LRBA: variants seen among roughly 807,000 people sequenced by gnomAD.
LRBA encodes LPS responsive beige-like anchor protein, also known as lipopolysaccharide-responsive and beige-like anchor protein.
A neutral mutation model predicts 330.0 loss-of-function variants in LRBA; 176 were observed. That is an observed-to-expected ratio of 0.53 (90% CI 0.47 to 0.60). The LOEUF (loss-of-function observed/expected upper bound fraction) is 0.60, where lower values mean the gene tolerates loss of function less well. LRBA is among the 20% of genes least tolerant of loss of function. The pLI is 0.00. For synonymous variants in LRBA, 1,230 were observed against 1,193.0 expected, an observed-to-expected ratio of 1.03 and a Z score of -0.64; for missense variants, 3,259 against 3,444.8, an observed-to-expected ratio of 0.95 and a Z score of 1.35.
At chr4:150,315,695 C>A in intron 50 of LRBA, 72 bp from the exon 51 acceptor site, 1 of 895,090 alleles carries the variant, frequency 1.1e-6, no homozygotes, top group South Asian at 1.8e-5. Context: ...ATGCATAAGT[C>A]AAACCTTATG....
At chr4:150,660,581 A>T (rs1263838155) in intron 37 of LRBA, among the ~76,000 whole-genome samples, 2 of 147,888 alleles carry the variant, frequency 1.4e-5, no homozygotes, top group Admixed American at 1.3e-4. Flanking sequence ...CCAACAGCTC[A>T]TTGAGAACGG....
At chr4:150,539,204 G>C (rs569416907) in intron 40 of LRBA, among the ~76,000 whole-genome samples, 19 of 152,278 alleles carry the variant, frequency 1.2e-4, no homozygotes, top group East Asian at 7.7e-4. Flanking sequence ...TCAATCTCTT[G>C]ACGTCGTGAT....
intron 31 of LRBA, among the ~76,000 whole-genome samples, chr4:150,813,373 C>G (rs1744074740): frequency 6.6e-6 from 1 of 151,900 alleles, no homozygotes; most frequent in Admixed American, 6.6e-5. Context: ...TTAGAAGATA[C>G]AATTGTTGCT....
chr4:150,707,217 T>C (rs1785713045), intron 36 of LRBA, among the ~76,000 whole-genome samples: 1 of 151,658 alleles, frequency 6.6e-6, no homozygotes, highest in South Asian at 2.1e-4. Flanking sequence ...TGCTTTCTTA[T>C]AATTTTTTAT....
At chr4:151,002,894 G>A (rs1743541408) in intron 2 of LRBA, among the ~76,000 whole-genome samples, 1 of 151,758 alleles carries the variant, frequency 6.6e-6, no homozygotes, top group Admixed American at 6.6e-5. Context: ...CCTGCCTGTG[G>A]TCCCAGCTAC....
At chr4:150,675,302 T>C (rs1189511367) in intron 37 of LRBA, among the ~76,000 whole-genome samples, 1 of 152,220 alleles carries the variant, frequency 6.6e-6, no homozygotes, top group Admixed American at 6.5e-5. Flanking sequence ...TACTAGCCTT[T>C]GGATCTTGGT....
chr4:150,912,976 G>A (rs997862622), intron 9 of LRBA, among the ~76,000 whole-genome samples: 1 of 152,108 alleles, frequency 6.6e-6, no homozygotes, highest in Admixed American at 6.5e-5. Context: ...TGTTTTAAGT[G>A]TGTTGTTTAA....
At chr4:150,558,558 C>T (rs1474831554) in intron 40 of LRBA, among the ~76,000 whole-genome samples, 2 of 152,130 alleles carry the variant, frequency 1.3e-5, no homozygotes, top group Non-Finnish European at 2.9e-5. Flanking sequence ...ATGCTCCAGG[C>T]TCATCTTGTG....
At chr4:150,444,063 G>A (rs1315333309) in intron 44 of LRBA, among the ~76,000 whole-genome samples, 5 of 150,776 alleles carry the variant, frequency 3.3e-5, no homozygotes, top group Non-Finnish European at 7.4e-5. Context: ...TAATGTCTGT[G>A]GATATCACCT....
chr4:150,344,777 C>G (rs1347373260), intron 48 of LRBA, among the ~76,000 whole-genome samples: 1 of 152,104 alleles, frequency 6.6e-6, no homozygotes, highest in Non-Finnish European at 1.5e-5. Context: ...TCTTGAACTC[C>G]CAGCCTGAAG....
chr4:150,265,379 C>G lies in LRBA; in HGVS notation c.*343G>C. 1 of 174,856 alleles carries G rather than the reference C, an allele frequency of 5.7e-6. No homozygotes were observed. The highest frequency in any genetic ancestry group is 1.2e-5 in the Non-Finnish European group (1 of 80,542). The allele number at this position is 174,856 out of a possible 1,614,324, so 10.8% of individuals were successfully genotyped here. On this transcript the variant is annotated 3_prime_UTR_variant, in exon 57 of 57. Coordinates refer to ENST00000651943, the MANE Select transcript of LRBA (RefSeq NM_001364905.1). ...TCCCCACTGTGAAAATCCTATTTCT[C>G]AAGCTTGTAGATGCATGGGAAATGT...
chr4:150,547,918 C>A (rs4696518), intron 40 of LRBA, among the ~76,000 whole-genome samples: 1 of 151,850 alleles, frequency 6.6e-6, no homozygotes, highest in Non-Finnish European at 1.5e-5. Flanking sequence ...AATAATTTTT[C>A]GCTTTATAAA....
chr4:150,666,297 C>T (rs2126846422), intron 37 of LRBA, among the ~76,000 whole-genome samples: 1 of 152,210 alleles, frequency 6.6e-6, no homozygotes. Flanking sequence ...CTTTGGGAGG[C>T]TGAGGCAGGC....
intron 42 of LRBA, among the ~76,000 whole-genome samples, chr4:150,477,568 T>C (rs1213009971): frequency 1.3e-5 from 2 of 152,058 alleles, no homozygotes; most frequent in Non-Finnish European, 2.9e-5. Context: ...TCTGTTGACA[T>C]GTGGGGATTA....
intron 30 of LRBA, among the ~76,000 whole-genome samples, chr4:150,823,397 T>A (rs1328049084): frequency 6.6e-6 from 1 of 152,180 alleles, no homozygotes; most frequent in East Asian, 1.9e-4. Context: ...TATTATATAA[T>A]CCCCAGTCTG....
At chr4:150,620,827 CAAGGAATA>C (rs1466245862) in intron 37 of LRBA, among the ~76,000 whole-genome samples, 1 of 151,948 alleles carries the variant, frequency 6.6e-6, no homozygotes, top group East Asian at 1.9e-4. Context: ...AGTGGAGAGG[CAAGGAATA>C]ACAACCTCCA....
chr4:150,517,553 G>A (rs1762483428), intron 40 of LRBA, among the ~76,000 whole-genome samples: 3 of 151,952 alleles, frequency 2.0e-5, no homozygotes, highest in Non-Finnish European at 2.9e-5. Flanking sequence ...TGTTCTGGGG[G>A]ATAGATGATG....
chr4:150,591,157 CT>C (rs1342544410), intron 38 of LRBA, among the ~76,000 whole-genome samples: 1 of 152,112 alleles, frequency 6.6e-6, no homozygotes, highest in Non-Finnish European at 1.5e-5. Context: ...AAAAGCAGTA[CT>C]TTTATTGAAA....
chr4:150,547,526 T>C (rs1765996338), intron 40 of LRBA, among the ~76,000 whole-genome samples: 1 of 152,148 alleles, frequency 6.6e-6, no homozygotes, highest in African/African-American at 2.4e-5. Context: ...TTACTGACCA[T>C]TATCTCCTTA....
Sources: gnomAD v4.1 joint callset for allele counts (sites outside exome capture counted in the v4.1 genomes callset) on GRCh38, gnomAD v4.1.1 for gene constraint, MANE v1.5 for transcripts, NCBI Gene and HGNC (gene_info 2026-07-23, HGNC 2026-07-21) for gene names.